RFFL: variants seen among roughly 807,000 people sequenced by gnomAD.
The protein encoded by RFFL is ring finger and FYVE like domain containing E3 ubiquitin protein ligase, also known as E3 ubiquitin-protein ligase rififylin.
A neutral mutation model predicts 40.4 loss-of-function variants in RFFL; 16 were observed. The ratio of observed to expected loss-of-function variants is 0.40; its 90% CI spans 0.27 to 0.60. The LOEUF (loss-of-function observed/expected upper bound fraction) is 0.60. RFFL is among the 20% of genes least tolerant of loss of function. The pLI, the probability that RFFL is intolerant of heterozygous loss-of-function variation, is 0.47. For synonymous variants in RFFL, 154 were observed against 167.9 expected (o/e 0.92, Z 0.64); for missense variants, 367 against 451.7 (o/e 0.81, Z 1.70).
intron 1 of RFFL, among the ~76,000 whole-genome samples, chr17:35,031,231 C>T (rs557168359): frequency 6.6e-6 from 1 of 152,078 alleles, no homozygotes; most frequent in South Asian, 2.1e-4. Flanking sequence ...CTCAGCCTCC[C>T]GAGTAGCTGG....
At chr17:35,067,113 T>G (rs1297245754), upstream of RFFL, among the ~76,000 whole-genome samples, 1 of 149,232 alleles carries the variant, frequency 6.7e-6, no homozygotes, top group Non-Finnish European at 1.5e-5. Flanking sequence ...CCCCAGAAAC[T>G]GAATTTTTTT....
upstream of RFFL, among the ~76,000 whole-genome samples, chr17:35,068,691 A>G (rs1181102772): frequency 6.6e-6 from 1 of 152,226 alleles, no homozygotes; most frequent in East Asian, 1.9e-4. Flanking sequence ...CTCAGGCACA[A>G]TGAAATACTA....
At chr17:35,054,980 C>T (rs1372629113) in intron 1 of RFFL, among the ~76,000 whole-genome samples, 2 of 151,056 alleles carry the variant, frequency 1.3e-5, no homozygotes, top group East Asian at 2.0e-4. Flanking sequence ...TGCAGTGGCG[C>T]GATTTTGGCT....
chr17:35,016,296 C>A, intron 5 of RFFL, 74 bp downstream of exon 5: 1 of 1,343,370 alleles, frequency 7.4e-7, no homozygotes, highest in South Asian at 1.2e-5. Context: ...TGAGTCAGGT[C>A]AATACCATCA....
chr17:35,053,708 T>C (rs1231423227), intron 1 of RFFL, among the ~76,000 whole-genome samples: 1 of 152,204 alleles, frequency 6.6e-6, no homozygotes, highest in Non-Finnish European at 1.5e-5. Context: ...ATACCAGGCA[T>C]TATGGGAAAC....
At chr17:35,042,701 T>C (rs913371879) in intron 1 of RFFL, among the ~76,000 whole-genome samples, 3 of 151,612 alleles carry the variant, frequency 2.0e-5, no homozygotes, top group Admixed American at 6.6e-5. Flanking sequence ...GGCATGCACC[T>C]GTAGTCCCAG....
chr17:35,083,076 GGC>G (rs1597847076), intron 1 of RFFL, among the ~76,000 whole-genome samples: 1 of 152,262 alleles, frequency 6.6e-6, no homozygotes, highest in East Asian at 1.9e-4. Flanking sequence ...TTTCAATAAA[GGC>G]TTCAGCTGTG....
chr17:35,035,052 G>A (rs983033607), intron 1 of RFFL, among the ~76,000 whole-genome samples: 2 of 152,112 alleles, frequency 1.3e-5, no homozygotes, highest in Non-Finnish European at 2.9e-5. Context: ...CTAACCTTAA[G>A]TGCCTCTTCT....
chr17:35,036,644 A>G (rs772748303), intron 1 of RFFL: 3 of 152,250 alleles, frequency 2.0e-5, no homozygotes, highest in African/African-American at 7.2e-5. Context: ...TGTCAGCTTG[A>G]TAAGTATGCT....
chr17:35,058,728 G>C (rs1041768584), intron 1 of RFFL, among the ~76,000 whole-genome samples: 1 of 152,058 alleles, frequency 6.6e-6, no homozygotes, highest in African/African-American at 2.4e-5. Flanking sequence ...CCGAGATTGC[G>C]CCACTGCACT....
chr17:35,030,384 C>T (rs2091075059), intron 1 of RFFL, among the ~76,000 whole-genome samples: 2 of 151,430 alleles, frequency 1.3e-5, no homozygotes, highest in Admixed American at 6.6e-5. Flanking sequence ...GATTGCCATT[C>T]TAACTGGTGT....
chr17:35,081,218 C>T (rs1193926904), intron 1 of RFFL, among the ~76,000 whole-genome samples: 1 of 152,168 alleles, frequency 6.6e-6, no homozygotes. Flanking sequence ...AATCAGTAGC[C>T]TGGTGAGTGT....
intron 1 of RFFL, among the ~76,000 whole-genome samples, chr17:35,086,135 A>G (rs1261599468): frequency 1.3e-5 from 2 of 152,242 alleles, no homozygotes; most frequent in Non-Finnish European, 2.9e-5. Context: ...TCACAAAATA[A>G]GAAGTTAATC....
chr17:35,063,385 G>A (rs1055162853), intron 1 of RFFL, among the ~76,000 whole-genome samples, 191 bp downstream of exon 1: 1 of 142,508 alleles, frequency 7.0e-6, no homozygotes, highest in Non-Finnish European at 1.5e-5. Flanking sequence ...AACCCGGGAG[G>A]TGAAGGTTGC....
intron 1 of RFFL, among the ~76,000 whole-genome samples, chr17:35,072,747 T>TA (rs35164231): frequency 1.3e-3 from 185 of 142,700 alleles, no homozygotes; most frequent in Middle Eastern, 3.6e-3. Context: ...AAATAAAGTA[T>TA]AAAAAAAAAA....
At chr17:35,033,454 G>A (rs2091098506) in intron 1 of RFFL, among the ~76,000 whole-genome samples, 2 of 151,892 alleles carry the variant, frequency 1.3e-5, no homozygotes, top group Admixed American at 6.6e-5. Context: ...CTTGAACCTG[G>A]GAGGTGGAAG....
At position 35,021,694 on chromosome 17, in the gene RFFL, G is replaced by A. The variant is rs748076471; in HGVS notation, c.268C>T (p.Arg90Trp). The A allele has an allele frequency of 1.9e-6, 3 of 1,614,230 alleles. No individual in the cohort carries two copies. The highest frequency in any genetic ancestry group is 2.2e-5 in the East Asian group (1 of 44,888). The change falls in exon 3 of 7, where the codon CGG becomes TGG. Residue 90 changes from arginine (R) to tryptophan (W), a missense_variant. Coordinates refer to ENST00000394597, the MANE Select transcript of RFFL (RefSeq NM_001017368.2). Reference sequence around the variant, plus strand: ...CGCTGAAAGGCTGTAGCTCGAAACCGTTGGCAGAGAAGGCAGAGGCGGGGC... The same window carrying A: ...CGCTGAAAGGCTGTAGCTCGAAACCATTGGCAGAGAAGGCAGAGGCGGGGC... ...NGPRLCLLCQ[R>W]FRATAFQREE...
chr17:35,058,943 C>T (rs2091275820), intron 1 of RFFL, among the ~76,000 whole-genome samples: 1 of 151,904 alleles, frequency 6.6e-6, no homozygotes, highest in African/African-American at 2.4e-5. Flanking sequence ...TGTATGACTG[C>T]CAGGCCTAGG....
chr17:35,024,231 C>T (rs2091027517), intron 2 of RFFL, among the ~76,000 whole-genome samples: 1 of 152,176 alleles, frequency 6.6e-6, no homozygotes, highest in South Asian at 2.1e-4. Flanking sequence ...CTCCTACTCC[C>T]TCCCACCCTA....
Sources: allele counts gnomAD v4.1 joint callset (sites outside exome capture counted in the v4.1 genomes callset), GRCh38; gene constraint gnomAD v4.1.1; transcripts MANE v1.5; gene names NCBI Gene and HGNC (gene_info 2026-07-23, HGNC 2026-07-21).